IGF2BP3: variants seen among roughly 807,000 people sequenced by gnomAD.
IGF2BP3 encodes insulin-like growth factor 2 mRNA-binding protein 3.
A neutral mutation model predicts 73.8 loss-of-function variants in IGF2BP3; 9 were observed. The observed-to-expected ratio is 0.12, with a 90% CI of 0.07 to 0.21. The LOEUF (loss-of-function observed/expected upper bound fraction) is 0.21. Ranked by LOEUF, IGF2BP3 falls within the 10% of genes least tolerant of loss-of-function variation. IGF2BP3 has a pLI of 1.00. For synonymous variants in IGF2BP3, 258 were observed against 256.7 expected (o/e 1.01, Z -0.05); for missense variants, 542 against 714.0 (o/e 0.76, Z 2.75).
At chr7:23,383,339 T>C (rs1301102784) in intron 3 of IGF2BP3, among the ~76,000 whole-genome samples, 1 of 152,130 alleles carries the variant, frequency 6.6e-6, no homozygotes, top group Non-Finnish European at 1.5e-5. Flanking sequence ...AGATTATTTG[T>C]CTAAGAAGAT....
In IGF2BP3 at chr7:23,336,793, C is replaced by A. The variant is rs540757124; in HGVS notation, c.1203+5271G>T. ...TAAAACCCTGTCTCTAATAAAAATA[C>A]AAAAATTAACCAGGCATGGTGCTGC... On this transcript the variant is annotated intron_variant, in intron 10 of 14. Transcript: ENST00000258729. 5.3e-4 allele frequency among the ~76,000 whole-genome samples: 80 copies of A among 152,140 alleles called. 1 individual carries two copies. The highest frequency in any genetic ancestry group is 1.5e-3 in the African/African-American group (63 of 41,522).
chr7:23,392,706 T>C (rs754327371), intron 3 of IGF2BP3, among the ~76,000 whole-genome samples: 7 of 152,128 alleles, frequency 4.6e-5, no homozygotes, highest in Admixed American at 4.6e-4. Flanking sequence ...CACGGCTCAC[T>C]GCAGCCTCGA....
At chr7:23,369,875 C>T (rs1335129331) in intron 3 of IGF2BP3, among the ~76,000 whole-genome samples, 3 of 152,088 alleles carry the variant, frequency 2.0e-5, no homozygotes, top group African/African-American at 7.2e-5. Flanking sequence ...TGCAGATAAG[C>T]CTTCTGCTGA....
intron 10 of IGF2BP3, among the ~76,000 whole-genome samples, chr7:23,323,771 C>A (rs188013385): frequency 3.9e-5 from 6 of 152,276 alleles, no homozygotes; most frequent in Non-Finnish European, 7.3e-5. Flanking sequence ...GAAACTCACT[C>A]AAAACTGCTC....
chr7:23,408,261 A>G (rs183619732), intron 3 of IGF2BP3, among the ~76,000 whole-genome samples: 5 of 152,334 alleles, frequency 3.3e-5, no homozygotes, highest in Admixed American at 6.5e-5. Context: ...AAAGGCATAC[A>G]GACTATAAAG....
intron 3 of IGF2BP3, among the ~76,000 whole-genome samples, chr7:23,384,989 G>A (rs1273692142): frequency 2.6e-5 from 4 of 152,048 alleles, no homozygotes; most frequent in African/African-American, 4.8e-5. Flanking sequence ...GGGATTATCA[G>A]GACCATAACC....
chr7:23,361,497 G>C lies in IGF2BP3; in HGVS notation c.401+37C>G, dbSNP rs760820279. Reference sequence around the variant, plus strand: ...AAAATATGTTACTGTACTTAACTTAGTTATTATATATAGATTAAAAGCTTC... The same window carrying C: ...AAAATATGTTACTGTACTTAACTTACTTATTATATATAGATTAAAAGCTTC... On this transcript the variant is annotated intron_variant, in intron 5 of 14. Coordinates refer to ENST00000258729, the MANE Select transcript of IGF2BP3 (RefSeq NM_006547.3). 7 of 1,537,544 alleles carry C rather than the reference G, an allele frequency of 4.6e-6. No individual in the cohort carries two copies. In the East Asian group the frequency reaches 1.6e-4, roughly 35 times the overall value.
chr7:23,406,079 A>G (rs1001156177), intron 3 of IGF2BP3, among the ~76,000 whole-genome samples: 13 of 152,198 alleles, frequency 8.5e-5, no homozygotes, highest in South Asian at 4.2e-4. Flanking sequence ...AAAAAAAAAA[A>G]AAAGAAAGAA....
At chr7:23,412,559 G>A (rs180811338) in intron 3 of IGF2BP3, among the ~76,000 whole-genome samples, 68 of 152,246 alleles carry the variant, frequency 4.5e-4, no homozygotes, top group Admixed American at 9.8e-4. Flanking sequence ...TGGAGAACCT[G>A]GTGCATAGGC....
chr7:23,320,305 T>G (rs553261492), intron 10 of IGF2BP3, among the ~76,000 whole-genome samples: 1 of 152,142 alleles, frequency 6.6e-6, no homozygotes, highest in South Asian at 2.1e-4. Flanking sequence ...ATGTACCTCA[T>G]TCCTTCACTA....
At chr7:23,387,227 C>T (rs1243232543) in intron 3 of IGF2BP3, among the ~76,000 whole-genome samples, 14 of 151,998 alleles carry the variant, frequency 9.2e-5, no homozygotes, top group Admixed American at 9.2e-4. Flanking sequence ...GTCCATAAAC[C>T]CAGTCTAATA....
At chr7:23,400,959 A>G (rs1382167504) in intron 3 of IGF2BP3, among the ~76,000 whole-genome samples, 6 of 151,972 alleles carry the variant, frequency 3.9e-5, no homozygotes, top group Non-Finnish European at 8.8e-5. Flanking sequence ...GCCACCACAC[A>G]AGGCTAATTT....
At chr7:23,386,941 C>A (rs73281637) in intron 3 of IGF2BP3, among the ~76,000 whole-genome samples, 2 of 151,690 alleles carry the variant, frequency 1.3e-5, no homozygotes, top group East Asian at 3.9e-4. Context: ...GTGGCAAGTA[C>A]CTGTAATCCC....
chr7:23,394,871 T>A (rs1291563954), intron 3 of IGF2BP3, among the ~76,000 whole-genome samples: 2 of 152,240 alleles, frequency 1.3e-5, no homozygotes, highest in African/African-American at 4.8e-5. Flanking sequence ...AGATACCATG[T>A]AAATTATCTG....
chr7:23,467,128 AATCT>A (rs1430432360), intron 2 of IGF2BP3, among the ~76,000 whole-genome samples: 11 of 152,228 alleles, frequency 7.2e-5, no homozygotes, highest in African/African-American at 1.9e-4. Flanking sequence ...ACTAGAACTA[AATCT>A]ATCAGGTCAC....
intron 10 of IGF2BP3, among the ~76,000 whole-genome samples, chr7:23,330,004 T>G (rs1270030299): frequency 1.3e-5 from 2 of 152,048 alleles, no homozygotes; most frequent in Non-Finnish European, 2.9e-5. Flanking sequence ...CAGCCAGAGC[T>G]GCCAGGCACG....
At chr7:23,381,122 A>G (rs898687158) in intron 3 of IGF2BP3, among the ~76,000 whole-genome samples, 2 of 152,248 alleles carry the variant, frequency 1.3e-5, no homozygotes, top group Non-Finnish European at 2.9e-5. Context: ...ACTCCCACAC[A>G]GCAATGGAGA....
At chr7:23,321,342 C>T (rs1046218703) in intron 10 of IGF2BP3, among the ~76,000 whole-genome samples, 2 of 152,328 alleles carry the variant, frequency 1.3e-5, no homozygotes, top group African/African-American at 2.4e-5. Context: ...GTCACTCCCA[C>T]ATGAATACTG....
chr7:23,403,612 G>A (rs1021609067), intron 3 of IGF2BP3, among the ~76,000 whole-genome samples: 1 of 152,106 alleles, frequency 6.6e-6, no homozygotes, highest in South Asian at 2.1e-4. Context: ...TTATTTCCAC[G>A]TTTGAGATGA....
Sources: gnomAD v4.1 joint callset for allele counts (sites outside exome capture counted in the v4.1 genomes callset) on GRCh38, gnomAD v4.1.1 for gene constraint, MANE v1.5 for transcripts, NCBI Gene and HGNC (gene_info 2026-07-23, HGNC 2026-07-21) for gene names.